The following TIA1 variants were observed in gnomAD, a reference collection of about 807,000 sequenced individuals.
TIA1 encodes TIA1 cytotoxic granule associated RNA binding protein, also known as cytotoxic granule associated RNA binding protein TIA1.
A neutral mutation model predicts 65.9 loss-of-function variants in TIA1; 23 were observed. The observed-to-expected ratio is 0.35, with a 90% CI of 0.25 to 0.49. TIA1 has a LOEUF of 0.49. Ranked by LOEUF, TIA1 falls within the 20% of genes least tolerant of loss-of-function variation. The pLI is 0.98. For synonymous variants in TIA1, 147 were observed against 149.4 expected, an observed-to-expected ratio of 0.98 and a Z score of 0.12; for missense variants, 371 against 477.9, an observed-to-expected ratio of 0.78 and a Z score of 2.09.
chr2:70,233,681 G>T (rs1687528442), intron 2 of TIA1, among the ~76,000 whole-genome samples: 1 of 151,802 alleles, frequency 6.6e-6, no homozygotes, highest in Non-Finnish European at 1.5e-5. Context: ...CAGGAGAATA[G>T]CTTGAACCTG....
chr2:70,242,260 C>T (rs1692153398), intron 1 of TIA1, among the ~76,000 whole-genome samples: 1 of 151,738 alleles, frequency 6.6e-6, no homozygotes, highest in Admixed American at 6.6e-5. Flanking sequence ...TAGCTGGGAG[C>T]GGTGGCTCAC....
intron 6 of TIA1, among the ~76,000 whole-genome samples, chr2:70,226,755 A>C (rs1683992732): frequency 6.6e-6 from 1 of 152,162 alleles, no homozygotes; most frequent in African/African-American, 2.4e-5. Flanking sequence ...TGAAAGCTGT[A>C]CTTATTTTCC....
intron 1 of TIA1, among the ~76,000 whole-genome samples, chr2:70,244,606 C>A (rs954683167): frequency 6.6e-6 from 1 of 151,896 alleles, no homozygotes; most frequent in Non-Finnish European, 1.5e-5. Context: ...GAGGCTGAGG[C>A]AGGCGGATCG....
chr2:70,228,144 T>C (rs145815515), intron 5 of TIA1, among the ~76,000 whole-genome samples: 1 of 152,314 alleles, frequency 6.6e-6, no homozygotes, highest in African/African-American at 2.4e-5. Flanking sequence ...AAAAATTTAA[T>C]GACTTAGTTA....
chr2:70,229,356 AAT>A lies in TIA1; in HGVS notation c.223-40_223-39del. On this transcript the variant is annotated intron_variant, in intron 3 of 12. Coordinates refer to ENST00000433529, the MANE Select transcript of TIA1 (RefSeq NM_022173.4). ...AATTTCTACATTTATACTTCACAAA[AAT>A]AAAGCCCAAAATCACATTTGTATCT... 3.9e-6 allele frequency: 6 copies of A among 1,544,590 alleles called. No individual in the cohort carries two copies. The South Asian group carries it at 5.8e-5, about 15-fold the overall frequency.
At chr2:70,225,217 A>G in intron 6 of TIA1, 2 of 1,090,820 alleles carry the variant, frequency 1.8e-6, no homozygotes, top group Non-Finnish European at 2.3e-6. Context: ...TAAGCTAGAC[A>G]AGAAAAGATT....
At chr2:70,229,677 G>C (rs926784329) in intron 3 of TIA1, among the ~76,000 whole-genome samples, 2 of 152,080 alleles carry the variant, frequency 1.3e-5, no homozygotes, top group African/African-American at 4.8e-5. Flanking sequence ...GCTGGCTGAC[G>C]TCTGTAATCT....
intron 7 of TIA1, among the ~76,000 whole-genome samples, chr2:70,221,944 T>C (rs1488831921): frequency 6.6e-6 from 1 of 152,068 alleles, no homozygotes; most frequent in African/African-American, 2.4e-5. Context: ...TGTGCCACCA[T>C]GCCTGGCTCA....
At chr2:70,241,820 T>C (rs762261496) in intron 1 of TIA1, among the ~76,000 whole-genome samples, 5 of 151,984 alleles carry the variant, frequency 3.3e-5, no homozygotes, top group Admixed American at 1.3e-4. Flanking sequence ...GGTGTGCACC[T>C]GTAGTTCCAG....
intron 1 of TIA1, among the ~76,000 whole-genome samples, chr2:70,240,972 T>A (rs940652489): frequency 2.6e-5 from 4 of 152,186 alleles, no homozygotes; most frequent in African/African-American, 7.2e-5. Flanking sequence ...AATAGTTTTT[T>A]CTTACAGAAT....
At chr2:70,216,570 C>G (rs1678724497) in intron 8 of TIA1, 71 bp from the exon 9 acceptor site, 1 of 1,432,386 alleles carries the variant, frequency 7.0e-7, no homozygotes, top group African/African-American at 1.4e-5. Context: ...GTAGCATTCA[C>G]TACACTACTG....
Position 70,248,483 on chromosome 2 carries a change from C to G in TIA1, c.-53G>C. On this transcript the variant is annotated 5_prime_UTR_variant, in exon 1 of 13. Coordinates refer to ENST00000433529, the MANE Select transcript of TIA1 (RefSeq NM_022173.4). ...AGGTCCAGCTCCCTGCCCTTCACTA[C>G]CTCCCAAATCGTTTAAGCGGTTATG... The G allele has an allele frequency of 6.2e-7, 1 of 1,600,562 alleles. No individual in the cohort carries two copies. The highest frequency in any genetic ancestry group is 8.5e-7 in the Non-Finnish European group (1 of 1,179,870).
chr2:70,233,345 T>C (rs1687352827), intron 2 of TIA1, among the ~76,000 whole-genome samples: 2 of 152,204 alleles, frequency 1.3e-5, no homozygotes, highest in African/African-American at 4.8e-5. Context: ...CAAAGTTTAA[T>C]ATATTGGGAC....
chr2:70,230,626 T>C, intron 3 of TIA1, 130 bp downstream of exon 3: 3 of 613,078 alleles, frequency 4.9e-6, no homozygotes, highest in Non-Finnish European at 5.4e-6. Context: ...CACTCCAGAT[T>C]GGGCAACAAG....
At chr2:70,219,738 C>CTT (rs1165514822) in intron 7 of TIA1, among the ~76,000 whole-genome samples, 1,076 of 105,796 alleles carry the variant, frequency 0.01, 37 homozygotes, top group African/African-American at 0.028. Flanking sequence ...GGTCGCCAGG[C>CTT]TTTTTTTTTT....
intron 6 of TIA1, among the ~76,000 whole-genome samples, chr2:70,226,543 T>A (rs187896512): frequency 5.3e-5 from 8 of 152,242 alleles, no homozygotes; most frequent in Non-Finnish European, 8.8e-5. Context: ...GGCTTCTTTA[T>A]CCTTTTATGG....
At chr2:70,235,583 T>TGTGTGTGTGTGTGTGTGTGTGTG (rs1688555479) in intron 2 of TIA1, among the ~76,000 whole-genome samples, 1 of 148,130 alleles carries the variant, frequency 6.8e-6, no homozygotes, top group African/African-American at 2.4e-5. Flanking sequence ...TGTGTGTGTG[T>TGTGTGTGTGTGTGTGTGTGTGTG]TTAATACATT....
intron 1 of TIA1, among the ~76,000 whole-genome samples, chr2:70,244,912 A>G (rs1693617559): frequency 6.6e-6 from 1 of 152,092 alleles, no homozygotes; most frequent in Admixed American, 6.6e-5. Context: ...TACAAGGCCA[A>G]TACTATTTGG....
intron 2 of TIA1, among the ~76,000 whole-genome samples, chr2:70,232,813 G>A (rs189632973): frequency 6.3e-4 from 96 of 151,998 alleles, no homozygotes; most frequent in African/African-American, 2.2e-3. Context: ...ACGTTGCAGT[G>A]AGCCAAGATG....
Sources: gnomAD v4.1 joint callset for allele counts (sites outside exome capture counted in the v4.1 genomes callset) on GRCh38, gnomAD v4.1.1 for gene constraint, MANE v1.5 for transcripts, NCBI Gene and HGNC (gene_info 2026-07-23, HGNC 2026-07-21) for gene names.